Variants in SNTG2 observed in about 807,000 individuals in gnomAD.
SNTG2 encodes syntrophin gamma 2.
SNTG2 carries 74 observed loss-of-function variants against 70.9 expected under a neutral mutation model. That is an observed-to-expected ratio of 1.04 (90% CI 0.86 to 1.27). SNTG2 has a LOEUF of 1.27. Ranked by LOEUF, SNTG2 falls within the 50% of genes most tolerant of loss-of-function variation. The probability of loss-of-function intolerance (pLI) is 0.00; values close to 1 mark genes in which losing one functional copy is unlikely to be tolerated. For synonymous variants in SNTG2, 278 were observed against 273.8 expected (o/e 1.02, Z -0.15); for missense variants, 717 against 690.7 (o/e 1.04, Z -0.43).
At chr2:987,598 G>A (rs7608116) in intron 1 of SNTG2, among the ~76,000 whole-genome samples, 1 of 151,816 alleles carries the variant, frequency 6.6e-6, no homozygotes, top group Non-Finnish European at 1.5e-5. Context: ...CGAGAACTCT[G>A]AAAGCCGAGC....
intron 1 of SNTG2, among the ~76,000 whole-genome samples, chr2:1,052,132 T>C (rs1264727146): frequency 6.6e-6 from 1 of 152,148 alleles, no homozygotes; most frequent in Non-Finnish European, 1.5e-5. Flanking sequence ...GGTCTGCAGC[T>C]TAGGTTGGTT....
intron 1 of SNTG2, among the ~76,000 whole-genome samples, chr2:983,291 T>TGGAGGTTGGGATGA (rs1661190497): frequency 1.3e-5 from 1 of 78,654 alleles, no homozygotes; most frequent in Non-Finnish European, 2.9e-5. Context: ...CTCTCTTCCA[T>TGGAGGTTGGGATGA]AGAAGCTGCG....
chr2:956,471 C>T (rs1468202949), intron 1 of SNTG2, among the ~76,000 whole-genome samples: 7 of 152,384 alleles, frequency 4.6e-5, no homozygotes, highest in African/African-American at 1.4e-4. Flanking sequence ...GCTGCCTGCC[C>T]TGGCCCAGGG....
chr2:1,194,207 A>G (rs1018462535), intron 8 of SNTG2, among the ~76,000 whole-genome samples: 2 of 152,244 alleles, frequency 1.3e-5, no homozygotes, highest in African/African-American at 4.8e-5. Flanking sequence ...AGGAGGAAGC[A>G]GAGTGAGCTC....
intron 1 of SNTG2, among the ~76,000 whole-genome samples, chr2:991,196 G>T (rs1320092444): frequency 2.0e-5 from 3 of 152,114 alleles, no homozygotes; most frequent in African/African-American, 7.2e-5. Context: ...TTCCATAACT[G>T]CAGGGATTAT....
At chr2:1,316,201 CAG>C (rs1681270750) in intron 15 of SNTG2, 62 bp from the exon 16 acceptor site, 15 of 754,066 alleles carry the variant, frequency 2.0e-5, no homozygotes, top group Non-Finnish European at 3.3e-5. Flanking sequence ...AATGTAGTAA[CAG>C]ATGCTAATTA....
chr2:1,169,297 G>C lies in SNTG2; in HGVS notation c.499+3662G>C, dbSNP rs572164577. Among the ~76,000 whole-genome samples, 3 of 152,234 alleles carry C rather than the reference G, an allele frequency of 2.0e-5. No individual in the cohort carries two copies. In the South Asian group the frequency reaches 6.2e-4, roughly 32 times the overall value. On this transcript the variant is annotated intron_variant, in intron 7 of 16. Coordinates refer to ENST00000308624, the MANE Select transcript of SNTG2 (RefSeq NM_018968.4). ...AGGGGGTGCTTTCGGATGTTGCTAA[G>C]TGGGGGTGGGAGGCAGAGGACACTC...
At chr2:1,009,917 T>G (rs1659682547) in intron 1 of SNTG2, among the ~76,000 whole-genome samples, 1 of 152,216 alleles carries the variant, frequency 6.6e-6, no homozygotes, top group African/African-American at 2.4e-5. Flanking sequence ...TCCTGACTTG[T>G]GGAAGAGATG....
At chr2:1,309,111 A>T (rs574961226) in intron 15 of SNTG2, among the ~76,000 whole-genome samples, 1 of 152,120 alleles carries the variant, frequency 6.6e-6, no homozygotes, top group Admixed American at 6.5e-5. Context: ...TTTAAAACCT[A>T]CTCTCTGTGT....
chr2:1,366,136 T>C (rs1293188952), intron 16 of SNTG2, among the ~76,000 whole-genome samples: 1 of 152,202 alleles, frequency 6.6e-6, no homozygotes. Context: ...TTTGGTGAGA[T>C]TTAGAAAATA....
At chr2:970,676 C>T (rs1381827150) in intron 1 of SNTG2, among the ~76,000 whole-genome samples, 3 of 146,472 alleles carry the variant, frequency 2.0e-5, no homozygotes, top group Non-Finnish European at 4.5e-5. Flanking sequence ...CATTGTTGGA[C>T]ATTTGGGTTG....
intron 1 of SNTG2, among the ~76,000 whole-genome samples, chr2:1,050,363 C>T (rs991793809): frequency 2.0e-5 from 3 of 151,984 alleles, no homozygotes; most frequent in African/African-American, 7.2e-5. Context: ...AGAGTTTTTT[C>T]TTCTGTATGC....
intron 1 of SNTG2, among the ~76,000 whole-genome samples, chr2:980,475 A>G (rs542369907): frequency 1.1e-4 from 17 of 152,236 alleles, no homozygotes; most frequent in Non-Finnish European, 2.4e-4. Context: ...AAAACAATAC[A>G]TTTTGGATGA....
chr2:1,152,197 G>T (rs1416286293), intron 6 of SNTG2, among the ~76,000 whole-genome samples: 1 of 152,194 alleles, frequency 6.6e-6, no homozygotes, highest in Non-Finnish European at 1.5e-5. Flanking sequence ...CGAATTGTGT[G>T]AAGATGTAGG....
intron 16 of SNTG2, among the ~76,000 whole-genome samples, chr2:1,332,823 T>C (rs1464128575): frequency 6.6e-6 from 1 of 152,114 alleles, no homozygotes; most frequent in Non-Finnish European, 1.5e-5. Flanking sequence ...ATAAAAGCTA[T>C]CTATGACAAA....
At chr2:1,100,323 C>G (rs112461108) in intron 4 of SNTG2, among the ~76,000 whole-genome samples, 1 of 152,142 alleles carries the variant, frequency 6.6e-6, no homozygotes, top group Admixed American at 6.5e-5. Flanking sequence ...CCCGCCACCA[C>G]GCCTGGCTAA....
intron 9 of SNTG2, among the ~76,000 whole-genome samples, chr2:1,234,238 G>A (rs35075639): frequency 0.097 from 14,693 of 152,164 alleles, 788 homozygotes; most frequent in South Asian, 0.15. Flanking sequence ...AGCAGATTGC[G>A]TGACTTACAC....
At chr2:1,098,741 A>T (rs1665562736) in intron 4 of SNTG2, among the ~76,000 whole-genome samples, 1 of 152,196 alleles carries the variant, frequency 6.6e-6, no homozygotes, top group South Asian at 2.1e-4. Flanking sequence ...TTACATATAG[A>T]TGGAGAAGTC....
chr2:965,467 C>G (rs922483436), intron 1 of SNTG2, among the ~76,000 whole-genome samples: 4 of 151,254 alleles, frequency 2.6e-5, no homozygotes, highest in Non-Finnish European at 5.9e-5. Context: ...TTGCCTCCTC[C>G]TCCTTGACTT....
Sources: gnomAD v4.1 joint callset for allele counts (sites outside exome capture counted in the v4.1 genomes callset) on GRCh38, gnomAD v4.1.1 for gene constraint, MANE v1.5 for transcripts, NCBI Gene and HGNC (gene_info 2026-07-23, HGNC 2026-07-21) for gene names.